INTS10: variants seen among roughly 807,000 people sequenced by gnomAD.
INTS10 encodes chromosome 8 open reading frame 35.
In INTS10, 44 loss-of-function variants were observed where a neutral mutation model predicts 94.4. The observed-to-expected ratio is 0.47, with a 90% confidence interval of 0.37 to 0.60. The LOEUF (loss-of-function observed/expected upper bound fraction) is 0.60, where lower values mean the gene tolerates loss of function less well. Ranked by LOEUF, INTS10 falls within the 20% of genes least tolerant of loss-of-function variation. INTS10 has a pLI of 0.00. For synonymous variants in INTS10, 341 were observed against 320.7 expected, an observed-to-expected ratio of 1.06 and a Z score of -0.68; for missense variants, 797 against 868.7, an observed-to-expected ratio of 0.92 and a Z score of 1.04.
chr8:19,822,654 A>G (rs926088433), intron 5 of INTS10, 134 bp downstream of exon 5: 15 of 550,786 alleles, frequency 2.7e-5, no homozygotes, highest in Middle Eastern at 5.0e-4. Flanking sequence ...TTTTTTTTTT[A>G]ATTTAGAAGC....
At chr8:19,848,008 T>A (rs1415982373) in intron 16 of INTS10, among the ~76,000 whole-genome samples, 1 of 152,238 alleles carries the variant, frequency 6.6e-6, no homozygotes, top group Non-Finnish European at 1.5e-5. Flanking sequence ...TATTCCTTAG[T>A]GATCTGACCT....
At chr8:19,823,804 C>T in intron 6 of INTS10, 69 bp from the exon 7 acceptor site, 1 of 1,350,586 alleles carries the variant, frequency 7.4e-7, no homozygotes, top group Non-Finnish European at 1.0e-6. Flanking sequence ...GTCAGACTTT[C>T]TTTATCAGGT....
rs751120585 is a variant in INTS10, at chr8:19,817,488, A to C, written c.-50A>C. 4 of 1,581,400 alleles carry C rather than the reference A, an allele frequency of 2.5e-6. No homozygotes were observed. The highest frequency in any genetic ancestry group is 3.4e-6 in the Non-Finnish European group (4 of 1,166,904). On this transcript the variant is annotated 5_prime_UTR_variant, in exon 1 of 17. Transcript: ENST00000397977. ...GCTGCCGTGGCGGCTGAGAGTCCAG[A>C]GCCGGACGTTCCGGCCGCTTCGGGC...
intron 2 of INTS10, 42 bp downstream of exon 2, chr8:19,818,384 C>G (rs751358508): frequency 1.3e-6 from 2 of 1,584,706 alleles, no homozygotes; most frequent in Non-Finnish European, 1.7e-6. Context: ...CACTGAATCT[C>G]TCCATGAGGT....
intron 9 of INTS10, among the ~76,000 whole-genome samples, chr8:19,826,841 TG>T (rs1238361913): frequency 2.6e-5 from 4 of 152,144 alleles, no homozygotes; most frequent in Admixed American, 2.0e-4. Flanking sequence ...AAAAGGTCAG[TG>T]ATGAGGTGGA....
intron 10 of INTS10, among the ~76,000 whole-genome samples, chr8:19,831,347 A>G (rs1387733035): frequency 1.3e-5 from 2 of 152,306 alleles, no homozygotes; most frequent in South Asian, 4.1e-4. Flanking sequence ...TTAAAAATGA[A>G]TAAAACCTTT....
At chr8:19,837,817 T>G (rs981589084) in intron 13 of INTS10, among the ~76,000 whole-genome samples, 5 of 151,608 alleles carry the variant, frequency 3.3e-5, no homozygotes, top group African/African-American at 1.2e-4. Flanking sequence ...AACTGGAAGT[T>G]TTTTTTTTGA....
chr8:19,834,499 C>T (rs1048989496), intron 12 of INTS10, among the ~76,000 whole-genome samples: 12 of 152,156 alleles, frequency 7.9e-5, no homozygotes, highest in East Asian at 3.9e-4. Flanking sequence ...TTACTCACAC[C>T]GACATACATA....
At chr8:19,841,165 T>C (rs1449628615) in intron 13 of INTS10, among the ~76,000 whole-genome samples, 2 of 152,160 alleles carry the variant, frequency 1.3e-5, no homozygotes, top group East Asian at 3.8e-4. Flanking sequence ...GAACAATTTA[T>C]TATCCAAATG....
At chr8:19,840,478 G>A (rs1489456618) in intron 13 of INTS10, among the ~76,000 whole-genome samples, 2 of 152,056 alleles carry the variant, frequency 1.3e-5, no homozygotes, top group Non-Finnish European at 2.9e-5. Context: ...ACATAATCTA[G>A]AATAGTCAAA....
intron 10 of INTS10, 31 bp downstream of exon 10, chr8:19,830,590 G>A: frequency 1.3e-6 from 2 of 1,588,602 alleles, no homozygotes; most frequent in Non-Finnish European, 1.7e-6. Context: ...GGTGCTGTTT[G>A]ATGTTTTATA....
Position 19,826,550 on chromosome 8 carries a change from A to G in INTS10, c.1131A>G (p.Glu377=). The change falls in exon 9 of 17, where the codon GAA becomes GAG. Residue 377 remains glutamate (E), a synonymous_variant. Transcript: ENST00000397977. ...HKKRKLAEGR[E]KTMSSDDEDC... is the part of the protein sequence containing the mutation. ...AGAGGAAACTAGCTGAAGGAAGAGA[A>G]AAAACCATGGTAAGGCTTTCAAATA... 1 of 1,611,684 alleles carries G rather than the reference A, an allele frequency of 6.2e-7. No individual in the cohort carries two copies.
chr8:19,824,745 A>G, intron 7 of INTS10, 58 bp from the exon 8 acceptor site: 7 of 1,265,784 alleles, frequency 5.5e-6, no homozygotes, highest in South Asian at 2.9e-5. Flanking sequence ...TTTTCTCTAG[A>G]CTTCTTGCTG....
intron 8 of INTS10, among the ~76,000 whole-genome samples, chr8:19,826,225 C>T (rs1589950627): frequency 1.3e-5 from 2 of 151,992 alleles, no homozygotes; most frequent in Non-Finnish European, 2.9e-5. Flanking sequence ...GATTAACAGG[C>T]GCATGCTACC....
rs369555554 is a variant in INTS10, at chr8:19,823,945, C to T, written c.737C>T (p.Thr246Met). 29 of 1,613,102 alleles carry T rather than the reference C, an allele frequency of 1.8e-5. No individual in the cohort carries two copies. The highest frequency in any genetic ancestry group is 6.7e-5 in the East Asian group (3 of 44,858). Reference protein sequence around the residue: ...SSQKYIIEGLTEKSSQIVDPW... With the variant: ...SSQKYIIEGLMEKSSQIVDPW... ...CAGAAGTACATAATAGAAGGGCTGA[C>T]GGAAAAATCATCCCAGATCGTGGAC... The change falls in exon 7 of 17, where the codon ACG becomes ATG. Residue 246 changes from threonine (T) to methionine (M), a missense_variant. This residue lies in a region of INTS10 where 734 missense variants were observed against 787.8 expected (regional missense o/e 0.93). Transcript: ENST00000397977.
intron 15 of INTS10, among the ~76,000 whole-genome samples, chr8:19,845,059 G>C (rs1245435349): frequency 6.6e-6 from 1 of 152,032 alleles, no homozygotes; most frequent in Non-Finnish European, 1.5e-5. Flanking sequence ...TACCATACCA[G>C]GCCAAAGTAA....
rs375130957 is a variant in INTS10, at chr8:19,834,109, C to G, written c.1530+788C>G. On this transcript the variant is annotated intron_variant, in intron 12 of 16. Coordinates refer to ENST00000397977, the MANE Select transcript of INTS10 (RefSeq NM_018142.4). ...AGCCCTTCCTACTACAGGGTGGGGACTATGTTTTTATCTTTGAACTCTCAT... is the reference window on the plus strand; with the variant it reads ...AGCCCTTCCTACTACAGGGTGGGGAGTATGTTTTTATCTTTGAACTCTCAT... 4.6e-5 allele frequency among the ~76,000 whole-genome samples: 7 copies of G among 152,022 alleles called. No homozygotes were observed. In the South Asian group the frequency reaches 1.5e-3, roughly 32 times the overall value.
chr8:19,818,160 C>A (rs1190408456), intron 1 of INTS10, 115 bp from the exon 2 acceptor site: 4 of 974,920 alleles, frequency 4.1e-6, no homozygotes, highest in East Asian at 2.4e-5. Context: ...TGTCACCAGG[C>A]GGAGCTTCAC....
intron 7 of INTS10, 137 bp from the exon 8 acceptor site, chr8:19,824,666 A>T: frequency 1.7e-6 from 1 of 575,608 alleles, no homozygotes; most frequent in South Asian, 2.5e-5. Flanking sequence ...TACCATTTAT[A>T]TTGGACAATA....
Sources: allele counts gnomAD v4.1 joint callset (sites outside exome capture counted in the v4.1 genomes callset), GRCh38; gene constraint gnomAD v4.1.1; regional missense constraint gnomAD v4.1.1; transcripts MANE v1.5; gene names NCBI Gene and HGNC (gene_info 2026-07-23, HGNC 2026-07-21).